The following CADPS2 variants were observed in gnomAD, a reference collection of about 807,000 sequenced individuals.
CADPS2 encodes calcium dependent secretion activator 2.
In CADPS2, 93 loss-of-function variants were observed where a neutral mutation model predicts 172.5. The ratio of observed to expected loss-of-function variants is 0.54; its 90% CI spans 0.46 to 0.64. The LOEUF is 0.64. Among genes scored for constraint, CADPS2 ranks in the 30% least tolerant of loss-of-function variants. The probability of loss-of-function intolerance (pLI) is 0.00; values close to 1 mark genes in which losing one functional copy is unlikely to be tolerated. For missense variants in CADPS2, 1,420 were observed against 1,565.9 expected, an observed-to-expected ratio of 0.91 and a Z score of 1.57; for synonymous variants, 546 against 555.2, an observed-to-expected ratio of 0.98 and a Z score of 0.23.
At chr7:122,881,067 T>G (rs1046337020) in intron 1 of CADPS2, among the ~76,000 whole-genome samples, 1 of 152,134 alleles carries the variant, frequency 6.6e-6, no homozygotes, top group African/African-American at 2.4e-5. Context: ...ATAAAGAATT[T>G]TCCATTCAGA....
At chr7:122,470,725 G>A (rs1173340893) in intron 14 of CADPS2, among the ~76,000 whole-genome samples, 1 of 151,948 alleles carries the variant, frequency 6.6e-6, no homozygotes, top group Admixed American at 6.6e-5. Flanking sequence ...CAAACTCCTG[G>A]CCTCAGGTGA....
chr7:122,637,368 T>G (rs1365280799), intron 3 of CADPS2, among the ~76,000 whole-genome samples: 1 of 151,726 alleles, frequency 6.6e-6, no homozygotes, highest in Non-Finnish European at 1.5e-5. Context: ...TAATTTCTTG[T>G]AGAGAACAGG....
chr7:122,524,630 G>A (rs1477614010), intron 8 of CADPS2, among the ~76,000 whole-genome samples: 3 of 152,164 alleles, frequency 2.0e-5, no homozygotes, highest in African/African-American at 4.8e-5. Context: ...AATAGTGTAT[G>A]TGGTATCTCC....
intron 4 of CADPS2, among the ~76,000 whole-genome samples, chr7:122,628,474 A>T (rs1162416031): frequency 6.6e-6 from 1 of 151,924 alleles, no homozygotes; most frequent in African/African-American, 2.4e-5. Flanking sequence ...TCCATCAAAT[A>T]TTGGAAGTTT....
intron 4 of CADPS2, among the ~76,000 whole-genome samples, chr7:122,626,915 C>T (rs2076143757): frequency 6.6e-6 from 1 of 152,190 alleles, no homozygotes; most frequent in African/African-American, 2.4e-5. Flanking sequence ...CTAATTACCT[C>T]TTGGCTGAAG....
chr7:122,671,806 CA>C (rs1360983335), intron 2 of CADPS2, among the ~76,000 whole-genome samples: 1 of 152,132 alleles, frequency 6.6e-6, no homozygotes, highest in African/African-American at 2.4e-5. Context: ...GAGTATTTAG[CA>C]GAGGAGTAGT....
In CADPS2 at chr7:122,517,344, A is replaced by G. The variant is rs756822344; in HGVS notation, c.1476-4029T>C. ...GTTTTCACTTCTTTGGATATCATAA[A>G]TAAAGCTATTATGAACACTTGTGTA... On this transcript the variant is annotated intron_variant, in intron 8 of 29. Transcript: ENST00000449022. Among the ~76,000 whole-genome samples, 127 of 152,118 alleles carry G rather than the reference A, an allele frequency of 8.3e-4. 2 individuals carry two copies. Among genetic ancestry groups the G allele is most frequent in the Non-Finnish European group, 3.2e-4 (22 of 68,000 alleles).
chr7:122,723,380 C>T (rs2137184819), intron 2 of CADPS2, among the ~76,000 whole-genome samples: 1 of 152,254 alleles, frequency 6.6e-6, no homozygotes, highest in South Asian at 2.1e-4. Context: ...TATGAACAGA[C>T]ACTTCTCAAA....
chr7:122,838,239 C>T (rs1354449497), intron 1 of CADPS2, among the ~76,000 whole-genome samples: 3 of 152,118 alleles, frequency 2.0e-5, no homozygotes, highest in South Asian at 2.1e-4. Context: ...GCCCTTCATG[C>T]TAAAAACTCT....
intron 2 of CADPS2, among the ~76,000 whole-genome samples, chr7:122,667,328 TTTTGTA>T (rs2135465982): frequency 6.6e-6 from 1 of 152,308 alleles, no homozygotes; most frequent in African/African-American, 2.4e-5. Flanking sequence ...TTGGCAGACA[TTTTGTA>T]TTTTCCAAGT....
chr7:122,562,196 G>A (rs531397485), intron 7 of CADPS2, among the ~76,000 whole-genome samples: 1 of 152,246 alleles, frequency 6.6e-6, no homozygotes, highest in South Asian at 2.1e-4. Context: ...TTGTGAATAT[G>A]TTTTTACCTT....
intron 1 of CADPS2, among the ~76,000 whole-genome samples, chr7:122,790,029 T>G (rs1330875607): frequency 3.8e-5 from 5 of 131,788 alleles, no homozygotes; most frequent in Non-Finnish European, 8.1e-5. Context: ...ATATTAAGTG[T>G]TTTTTTTTTT....
intron 1 of CADPS2, among the ~76,000 whole-genome samples, chr7:122,868,489 C>T (rs909447499): frequency 2.6e-5 from 4 of 152,166 alleles, no homozygotes; most frequent in Admixed American, 2.0e-4. Context: ...AATATCATGA[C>T]TTGACACTCT....
intron 2 of CADPS2, among the ~76,000 whole-genome samples, chr7:122,696,789 G>A (rs2085175623): frequency 6.6e-6 from 1 of 151,802 alleles, no homozygotes; most frequent in Admixed American, 6.6e-5. Context: ...TTGTATAATT[G>A]GGAAAAACAG....
chr7:122,605,338 C>T (rs1014095661), intron 6 of CADPS2, among the ~76,000 whole-genome samples: 2 of 152,056 alleles, frequency 1.3e-5, no homozygotes, highest in Non-Finnish European at 2.9e-5. Flanking sequence ...GATGTTACGA[C>T]GGCTATGATG....
At chr7:122,504,042 A>C (rs2059424219) in intron 9 of CADPS2, among the ~76,000 whole-genome samples, 1 of 152,208 alleles carries the variant, frequency 6.6e-6, no homozygotes, top group Admixed American at 6.5e-5. Flanking sequence ...CAGGTTTAAC[A>C]GATCAATCTG....
At chr7:122,419,060 A>C (rs1006741054) in intron 17 of CADPS2, among the ~76,000 whole-genome samples, 2 of 152,180 alleles carry the variant, frequency 1.3e-5, no homozygotes, top group African/African-American at 4.8e-5. Context: ...TTACAGGCTC[A>C]TGAGTCTGTT....
At chr7:122,786,746 C>A (rs746316345) in intron 1 of CADPS2, among the ~76,000 whole-genome samples, 6 of 152,230 alleles carry the variant, frequency 3.9e-5, no homozygotes, top group African/African-American at 1.4e-4. Context: ...TAAAGCACCA[C>A]CATATCCCCA....
chr7:122,824,741 TCA>T (rs1358236043), intron 1 of CADPS2, among the ~76,000 whole-genome samples: 1 of 152,204 alleles, frequency 6.6e-6, no homozygotes, highest in East Asian at 1.9e-4. Context: ...TAATTGTTTC[TCA>T]GTTTTGAATC....
Sources: gnomAD v4.1 joint callset for allele counts (sites outside exome capture counted in the v4.1 genomes callset) on GRCh38, gnomAD v4.1.1 for gene constraint, MANE v1.5 for transcripts, NCBI Gene and HGNC (gene_info 2026-07-23, HGNC 2026-07-21) for gene names.